The following CNBD2 variants were observed in gnomAD, a reference collection of about 807,000 sequenced individuals.
CNBD2 encodes the protein cyclic nucleotide-binding domain-containing protein 2.
A neutral mutation model predicts 63.7 loss-of-function variants in CNBD2; 64 were observed. The ratio of observed to expected loss-of-function variants is 1.00; its 90% CI spans 0.82 to 1.24. The LOEUF (loss-of-function observed/expected upper bound fraction) is 1.24, where lower values mean the gene tolerates loss of function less well. Among genes scored for constraint, CNBD2 ranks in the 50% most tolerant of loss-of-function variants. The pLI is 0.00. For missense variants in CNBD2, 691 were observed against 713.5 expected (o/e 0.97, Z 0.36); for synonymous variants, 229 against 255.4 (o/e 0.90, Z 0.99).
At chr20:36,016,860 A>T (rs184406689) in intron 10 of CNBD2, among the ~76,000 whole-genome samples, 1 of 149,438 alleles carries the variant, frequency 6.7e-6, no homozygotes, top group East Asian at 2.0e-4. Context: ...GGAGTTCAAG[A>T]CCAGCTTGGG....
At position 35,968,694 on chromosome 20, in the gene CNBD2, G is replaced by C; in HGVS notation, c.-69G>C. On this transcript the variant is annotated 5_prime_UTR_variant, in exon 1 of 12. Transcript: ENST00000373973. Reference sequence around the variant, plus strand: ...TGTTTCTAGTATTACTGGATTTTTGGGGAAAAATTTGTAGTCCTCCCCTTG... The same window carrying C: ...TGTTTCTAGTATTACTGGATTTTTGCGGAAAAATTTGTAGTCCTCCCCTTG... 3.1e-6 allele frequency: 4 copies of C among 1,280,890 alleles called. No individual in the cohort carries two copies. The highest frequency in any genetic ancestry group is 3.3e-6 in the Non-Finnish European group (3 of 900,540). The allele number at this position is 1,280,890 out of a possible 1,614,324, so 79.3% of individuals were successfully genotyped here.
rs755459497 is a variant in CNBD2, at chr20:35,984,686, G to A, written c.624G>A (p.Thr208=). Residue 208 remains threonine (T), a synonymous_variant, in exon 6 of 12, where the codon ACG becomes ACA. Coordinates refer to ENST00000373973, the MANE Select transcript of CNBD2 (RefSeq NM_001365709.1). ...CCACCATCGTCTGTATGGAAGAAAC[G>A]GAGTTCCTGGTTGTTGACCGGGAGG... ...RRSTIVCMEE[T]EFLVVDREDF... is the part of the protein sequence containing the mutation. The A allele has an allele frequency of 2.7e-5, 44 of 1,614,206 alleles. No individual in the cohort carries two copies. The highest frequency in any genetic ancestry group is 3.6e-5 in the Non-Finnish European group (42 of 1,180,032).
Position 36,022,200 on chromosome 20 carries a change from T to TCTTTTTC in CNBD2, c.1270-1402_1270-1401insCTTTTTC, listed in dbSNP as rs199719458. Among the ~76,000 whole-genome samples the TCTTTTTC allele has an allele frequency of 1.8e-4, 19 of 106,386 alleles. No individual in the cohort carries two copies. In the South Asian group the frequency reaches 2.8e-3, roughly 16 times the overall value. The allele number at this position is 106,386 out of a possible 152,430, so 69.8% of individuals were successfully genotyped here. ...CGGCTAATTCTTTTTTTTTTCTTTT[T>TCTTTTTC]TTTTTTTTTTTTTTTTTGAGATGGA... is the stretch of plus-strand genomic sequence containing the variant. On this transcript the variant is annotated intron_variant, in intron 10 of 11. Transcript: ENST00000373973.
At chr20:35,975,881 C>G in intron 2 of CNBD2, 68 bp from the exon 3 acceptor site, 1 of 1,415,230 alleles carries the variant, frequency 7.1e-7, no homozygotes, top group Non-Finnish European at 1.0e-6. Context: ...GACAGGAGGG[C>G]TCTAGATGCA....
At chr20:35,960,157 A>G (rs569922043), downstream of CNBD2, among the ~76,000 whole-genome samples, 1 of 152,314 alleles carries the variant, frequency 6.6e-6, no homozygotes, top group Admixed American at 6.5e-5. Flanking sequence ...ATTTTGCTAC[A>G]TATTGCCACC....
intron 11 of CNBD2, among the ~76,000 whole-genome samples, chr20:36,029,212 C>A (rs1254244489): frequency 6.6e-6 from 1 of 152,184 alleles, no homozygotes; most frequent in Non-Finnish European, 1.5e-5. Context: ...TGCTTTCCCC[C>A]TCCTAGGTTT....
At chr20:36,007,092 G>C (rs2056995163) in intron 8 of CNBD2, among the ~76,000 whole-genome samples, 1 of 152,096 alleles carries the variant, frequency 6.6e-6, no homozygotes, top group Admixed American at 6.6e-5. Context: ...AGGAGGCTGA[G>C]ACAGGAGAAT....
At chr20:35,966,785 C>A (rs2056348433), upstream of CNBD2, among the ~76,000 whole-genome samples, 1 of 152,156 alleles carries the variant, frequency 6.6e-6, no homozygotes. Context: ...AGCCTAGAAG[C>A]CTCCCGCTGT....
intron 6 of CNBD2, 105 bp from the exon 7 acceptor site, chr20:35,987,290 C>T: frequency 1.5e-6 from 2 of 1,318,280 alleles, no homozygotes; most frequent in Middle Eastern, 2.6e-4. Context: ...AAATCTTCCA[C>T]CCAGGCATCC....
At chr20:35,974,729 C>A (rs143503027) in intron 2 of CNBD2, 29 of 152,350 alleles carry the variant, frequency 1.9e-4, no homozygotes, top group African/African-American at 5.5e-4. Context: ...GTCTAAGGAA[C>A]AAATGACATG....
chr20:35,998,432 T>C (rs1287035165), intron 8 of CNBD2, among the ~76,000 whole-genome samples: 1 of 152,198 alleles, frequency 6.6e-6, no homozygotes, highest in Non-Finnish European at 1.5e-5. Flanking sequence ...ATATAGTCTG[T>C]CTTGGTAAAT....
chr20:36,001,104 C>T, intron 8 of CNBD2, among the ~76,000 whole-genome samples: 1 of 151,886 alleles, frequency 6.6e-6, no homozygotes, highest in East Asian at 1.9e-4. Context: ...TTTCTTAGTA[C>T]AGAACAAAAT....
upstream of CNBD2, chr20:35,954,628 C>T (rs1404349208): frequency 3.8e-6 from 5 of 1,321,268 alleles, no homozygotes; most frequent in African/African-American, 7.5e-5. Flanking sequence ...CTGCGCGTGG[C>T]CTGGGCTCCT....
chr20:35,999,059 C>CATTT (rs2056864040), intron 8 of CNBD2, among the ~76,000 whole-genome samples: 1 of 151,732 alleles, frequency 6.6e-6, no homozygotes, highest in Non-Finnish European at 1.5e-5. Context: ...CTTATTTGTC[C>CATTT]CTGGTAATAT....
intron 11 of CNBD2, among the ~76,000 whole-genome samples, chr20:36,027,385 T>G (rs1264863748): frequency 6.6e-6 from 1 of 152,188 alleles, no homozygotes; most frequent in African/African-American, 2.4e-5. Context: ...GTGTGAGGTC[T>G]TCATGACCTT....
chr20:35,992,734 G>T (rs1051090895), intron 7 of CNBD2, among the ~76,000 whole-genome samples: 35 of 152,114 alleles, frequency 2.3e-4, no homozygotes, highest in Middle Eastern at 3.4e-3. Context: ...CCATATTTTG[G>T]TACAGCACCC....
intron 10 of CNBD2, among the ~76,000 whole-genome samples, chr20:36,018,823 TCTG>T (rs2057169385): frequency 6.6e-6 from 1 of 152,246 alleles, no homozygotes; most frequent in African/African-American, 2.4e-5. Flanking sequence ...TTATTTTCAT[TCTG>T]CTTCTAATAG....
chr20:35,997,714 G>A (rs2056843877), intron 8 of CNBD2, among the ~76,000 whole-genome samples: 1 of 151,826 alleles, frequency 6.6e-6, no homozygotes, highest in Non-Finnish European at 1.5e-5. Context: ...TAGGCAGATG[G>A]CAGATGTTTG....
intron 10 of CNBD2, 132 bp from the exon 11 acceptor site, chr20:36,023,470 G>C (rs535563831): frequency 1.4e-6 from 1 of 724,480 alleles, no homozygotes; most frequent in Admixed American, 3.3e-5. Context: ...TGAGATTTGG[G>C]CCATTGCACT....
Sources: gnomAD v4.1 joint callset for allele counts (sites outside exome capture counted in the v4.1 genomes callset) on GRCh38, gnomAD v4.1.1 for gene constraint, MANE v1.5 for transcripts, NCBI Gene and HGNC (gene_info 2026-07-23, HGNC 2026-07-21) for gene names.